Variants in NHSL2 observed in about 807,000 individuals in gnomAD.
NHSL2 encodes the protein NHS like 2.
A neutral mutation model predicts 53.4 loss-of-function variants in NHSL2; 27 were observed. The ratio of observed to expected loss-of-function variants is 0.51; its 90% CI spans 0.37 to 0.70. The LOEUF is 0.70. Ranked by LOEUF, NHSL2 falls within the 30% of genes least tolerant of loss-of-function variation. The probability of loss-of-function intolerance (pLI) is 0.00; values close to 1 mark genes in which losing one functional copy is unlikely to be tolerated. For missense variants in NHSL2, 892 were observed against 980.1 expected, an observed-to-expected ratio of 0.91 and a Z score of 1.20; for synonymous variants, 408 against 404.1, an observed-to-expected ratio of 1.01 and a Z score of -0.12.
chrX:71,962,537 A>G lies in NHSL2; in HGVS notation c.280+51170A>G, dbSNP rs191220445. On this transcript the variant is annotated intron_variant, in intron 1 of 7. Coordinates refer to ENST00000633930, the MANE Select transcript of NHSL2 (RefSeq NM_001013627.3). Reference sequence around the variant, plus strand: ...TTCTATATCTTGAGTTCATTTTGGTAGTGTTTTTGTTTCTAGGAACTTGGT... The same window carrying G: ...TTCTATATCTTGAGTTCATTTTGGTGGTGTTTTTGTTTCTAGGAACTTGGT... 9.3e-5 allele frequency among the ~76,000 whole-genome samples: 10 copies of G among 107,789 alleles called. No individual in the cohort carries two copies. In the South Asian group the frequency reaches 3.6e-3, roughly 39 times the overall value. 93.6% of individuals were successfully genotyped at this position (107,789 alleles called of 115,157 possible). A position where few individuals can be genotyped will look rare whatever the true frequency, so the allele number is the denominator to read the frequency against.
At position 72,145,438 on chromosome X, in the gene NHSL2, A is replaced by C. The variant is rs1011401255; in HGVS notation, c.*1864A>C. The C allele has an allele frequency of 7.1e-5, 8 of 112,590 alleles. No homozygotes were observed. Among genetic ancestry groups the C allele is most frequent in the African/African-American group, 2.6e-4 (8 of 30,969 alleles). 9.3% of individuals were successfully genotyped at this position (112,590 alleles called of 1,213,427 possible). On this transcript the variant is annotated 3_prime_UTR_variant, in exon 8 of 8. Transcript: ENST00000633930. ...TTGCAACCAGCACTTCGACACTTAAAATAATAAAACAGCTAGGCTCAGTTG... is the reference window on the plus strand; with the variant it reads ...TTGCAACCAGCACTTCGACACTTAACATAATAAAACAGCTAGGCTCAGTTG...
intron 7 of NHSL2, among the ~76,000 whole-genome samples, chrX:72,142,826 C>A (rs771998958): frequency 8.9e-6 from 1 of 111,951 alleles, no homozygotes; most frequent in East Asian, 2.8e-4. Context: ...AAAAGAGGAA[C>A]CAGATGGGGA....
intron 1 of NHSL2, among the ~76,000 whole-genome samples, chrX:72,091,535 A>AT (rs1228937139): frequency 4.5e-5 from 5 of 112,308 alleles, no homozygotes; most frequent in Non-Finnish European, 9.4e-5. Flanking sequence ...CTAGCTGTAT[A>AT]TAGGAGTGCC....
chrX:72,001,379 T>C (rs1233077935), intron 1 of NHSL2, among the ~76,000 whole-genome samples: 1 of 111,364 alleles, frequency 9.0e-6, no homozygotes, highest in Non-Finnish European at 1.9e-5. Flanking sequence ...CATGCATTAT[T>C]TATTTGTTCT....
intron 1 of NHSL2, among the ~76,000 whole-genome samples, chrX:72,083,993 T>C (rs746575399): frequency 4.5e-5 from 5 of 112,099 alleles, no homozygotes; most frequent in Non-Finnish European, 5.6e-5. Context: ...CCCATATCCT[T>C]GCCCACTCAT....
chrX:71,951,497 C>A (rs2041820916), intron 1 of NHSL2, among the ~76,000 whole-genome samples: 1 of 111,819 alleles, frequency 8.9e-6, no homozygotes, highest in African/African-American at 3.3e-5. Flanking sequence ...TGCATAAGGG[C>A]CCAATTTCTC....
Position 72,132,250 on chromosome X carries a change from G to C in NHSL2, c.436+16G>C. 8.7e-7 allele frequency: 1 copy of C among 1,143,479 alleles called. No homozygotes were observed. The highest frequency in any genetic ancestry group is 1.2e-6 in the Non-Finnish European group (1 of 859,125). 94.2% of individuals were successfully genotyped at this position (1,143,479 alleles called of 1,213,427 possible). On this transcript the variant is annotated intron_variant, in intron 2 of 7. Coordinates refer to ENST00000633930, the MANE Select transcript of NHSL2 (RefSeq NM_001013627.3). ...CTGTTGCAAGGTACCGAGAGGGAGG[G>C]GGGCTGCGGCCGGAGCCCAGAAGCG...
intron 1 of NHSL2, among the ~76,000 whole-genome samples, chrX:72,091,206 C>A (rs958501455): frequency 3.6e-5 from 4 of 112,375 alleles, no homozygotes; most frequent in Non-Finnish European, 7.5e-5. Context: ...GTAATCCCAG[C>A]ACTTTGGGAG....
intron 1 of NHSL2, among the ~76,000 whole-genome samples, chrX:72,002,460 T>C (rs1670151161): frequency 8.9e-6 from 1 of 112,872 alleles, no homozygotes; most frequent in Admixed American, 9.3e-5. Flanking sequence ...TGTGTTAGAA[T>C]TTACTTTTGC....
At chrX:72,089,590 G>T (rs1172727360) in intron 1 of NHSL2, among the ~76,000 whole-genome samples, 2 of 111,042 alleles carry the variant, frequency 1.8e-5, no homozygotes, top group African/African-American at 6.6e-5. Flanking sequence ...ACCTGCTTGG[G>T]GCTGGGGAGG....
chrX:71,948,424 A>G (rs1388197038), intron 1 of NHSL2, among the ~76,000 whole-genome samples: 1 of 112,361 alleles, frequency 8.9e-6, no homozygotes, highest in Non-Finnish European at 1.9e-5. Context: ...TGTGGGGTGC[A>G]TCACATGCGC....
At chrX:72,036,650 C>T in intron 1 of NHSL2, among the ~76,000 whole-genome samples, 1 of 111,410 alleles carries the variant, frequency 9.0e-6, no homozygotes, top group Non-Finnish European at 1.9e-5. Flanking sequence ...TCCCACAGCT[C>T]TCTAATGCTT....
intron 1 of NHSL2, among the ~76,000 whole-genome samples, chrX:71,948,142 A>G (rs1180708314): frequency 8.9e-6 from 1 of 112,780 alleles, no homozygotes; most frequent in African/African-American, 3.2e-5. Context: ...ACAGGTGTCA[A>G]CACACCTAAA....
intron 1 of NHSL2, among the ~76,000 whole-genome samples, chrX:72,059,821 C>A (rs1018575078): frequency 2.7e-5 from 3 of 112,015 alleles, no homozygotes; most frequent in African/African-American, 9.8e-5. Context: ...ACTTGCTATG[C>A]ACCAGACCTT....
At chrX:72,011,096 G>A (rs957560272) in intron 1 of NHSL2, among the ~76,000 whole-genome samples, 15 of 112,165 alleles carry the variant, frequency 1.3e-4, no homozygotes, top group Admixed American at 8.5e-4. Context: ...AGGTTGTTGC[G>A]TGTATCAATA....
At chrX:72,058,582 A>G (rs1230765560) in intron 1 of NHSL2, among the ~76,000 whole-genome samples, 1 of 111,553 alleles carries the variant, frequency 9.0e-6, no homozygotes, top group African/African-American at 3.3e-5. Context: ...TGACCTCATG[A>G]TCCACCCATC....
intron 1 of NHSL2, among the ~76,000 whole-genome samples, chrX:72,085,483 A>G (rs770961881): frequency 9.0e-6 from 1 of 111,560 alleles, no homozygotes; most frequent in South Asian, 3.8e-4. Flanking sequence ...AAATTCATCC[A>G]TTGCACTCAT....
At position 72,131,850 on chromosome X, in the gene NHSL2, C is replaced by CCGGG. The variant is rs1182989464; in HGVS notation, c.281-215_281-212dup. The stretch of plus-strand genomic sequence containing the variant: ...CACGGTGGCGGCGGCGACCGCGCGA[C>CCGGG]CGGGCGGGCGGGCGGGCAGGGGCGA... On this transcript the variant is annotated intron_variant, in intron 1 of 7. Transcript: ENST00000633930. 214 of 257,532 alleles carry CCGGG rather than the reference C, an allele frequency of 8.3e-4. 2 individuals are homozygous for CCGGG. Among genetic ancestry groups the CCGGG allele is most frequent in the African/African-American group, 5.8e-3 (195 of 33,342 alleles). The allele number at this position is 257,532 out of a possible 1,213,427, so 21.2% of individuals were successfully genotyped here.
intron 1 of NHSL2, among the ~76,000 whole-genome samples, chrX:72,091,412 C>T (rs2041897931): frequency 9.0e-6 from 1 of 110,651 alleles, no homozygotes; most frequent in East Asian, 2.9e-4. Flanking sequence ...CGAGATCGCG[C>T]CACTGCACTC....
Sources: allele counts gnomAD v4.1 joint callset (sites outside exome capture counted in the v4.1 genomes callset), GRCh38; gene constraint gnomAD v4.1.1; transcripts MANE v1.5; gene names NCBI Gene and HGNC (gene_info 2026-07-23, HGNC 2026-07-21).